The following CALD1 variants were observed in gnomAD, a reference collection of about 807,000 sequenced individuals.
The protein encoded by CALD1 is caldesmon.
In CALD1, 33 loss-of-function variants were observed where a neutral mutation model predicts 99.9. The observed-to-expected ratio is 0.33, with a 90% CI of 0.25 to 0.44. The LOEUF is 0.44. Among genes scored for constraint, CALD1 ranks in the 20% least tolerant of loss-of-function variants. The pLI is 1.00. For missense variants in CALD1, 861 were observed against 962.1 expected, an observed-to-expected ratio of 0.89 and a Z score of 1.39; for synonymous variants, 310 against 325.0, an observed-to-expected ratio of 0.95 and a Z score of 0.50.
chr7:134,718,482 A>G, the CALD1 span, among the ~76,000 whole-genome samples: 1 of 152,170 alleles, frequency 6.6e-6, no homozygotes, highest in South Asian at 2.1e-4. Flanking sequence ...ACTAAACTCA[A>G]CTGCTATAAA....
chr7:134,791,683 A>C (rs980714343), intron 1 of CALD1, among the ~76,000 whole-genome samples: 4 of 152,238 alleles, frequency 2.6e-5, no homozygotes, highest in Non-Finnish European at 5.9e-5. Flanking sequence ...ACAAAAAACA[A>C]AAAAACCTGT....
intron 13 of CALD1, 28 bp from the exon 14 acceptor site, chr7:134,965,276 ATC>A: frequency 9.4e-7 from 1 of 1,069,374 alleles, no homozygotes; most frequent in Non-Finnish European, 1.5e-6. Flanking sequence ...ATGGCCACCT[ATC>A]GATGTTTTTC....
At chr7:134,815,752 T>C (rs1002508973) in intron 1 of CALD1, among the ~76,000 whole-genome samples, 1 of 152,178 alleles carries the variant, frequency 6.6e-6, no homozygotes, top group South Asian at 2.1e-4. Flanking sequence ...AGAAATTTGG[T>C]GTTTAGAGAA....
intron 1 of CALD1, among the ~76,000 whole-genome samples, chr7:134,832,744 T>G (rs1799281123): frequency 6.6e-6 from 1 of 152,222 alleles, no homozygotes; most frequent in African/African-American, 2.4e-5. Context: ...AGCCTCAATA[T>G]CATTTAAATT....
At chr7:134,911,135 G>A (rs766735541) in intron 3 of CALD1, among the ~76,000 whole-genome samples, 16 of 151,796 alleles carry the variant, frequency 1.1e-4, no homozygotes, top group South Asian at 2.1e-4. Flanking sequence ...GCCACTCCTC[G>A]GTTGGTTTAA....
rs761582914 is a variant in CALD1 at position 134,783,103 on chromosome 7, G to C, written c.-130+3354G>C. ...TTCTCTGCCTCCAGCCAAAAGCATG[G>C]AATGAACCCCGGAACGTCATGCCTG... is the stretch of plus-strand genomic sequence containing the variant. On this transcript the variant is annotated intron_variant, in intron 1 of 14. Transcript: ENST00000361675. This position sits in a 1 kb window ranked among gnomAD's most constrained non-coding sequence, Gnocchi z 4.3. Among the ~76,000 whole-genome samples, 3 of 152,192 alleles carry C rather than the reference G, an allele frequency of 2.0e-5. No individual in the cohort carries two copies. The highest frequency in any genetic ancestry group is 2.9e-5 in the Non-Finnish European group (2 of 68,020).
At chr7:134,962,922 G>A (rs757272728) in intron 13 of CALD1, 2 of 456,580 alleles carry the variant, frequency 4.4e-6, no homozygotes, top group South Asian at 3.1e-5. Context: ...TCTCTAAAAT[G>A]TAGTCTGGTC....
the CALD1 span, among the ~76,000 whole-genome samples, chr7:134,715,043 T>A: frequency 2.6e-5 from 4 of 152,344 alleles, no homozygotes; most frequent in Admixed American, 1.3e-4. Flanking sequence ...GCTTCTTTCC[T>A]TCAATGAGTT....
chr7:134,882,908 TA>T (rs1801672418), intron 3 of CALD1, among the ~76,000 whole-genome samples: 1 of 152,214 alleles, frequency 6.6e-6, no homozygotes, highest in Admixed American at 6.5e-5. Flanking sequence ...TATGAGGACT[TA>T]ATTATTTTTT....
intron 2 of CALD1, among the ~76,000 whole-genome samples, chr7:134,845,264 CA>C (rs1799805279): frequency 6.6e-6 from 1 of 152,032 alleles, no homozygotes; most frequent in African/African-American, 2.4e-5. Context: ...ATACAGTAGA[CA>C]TTTTGTAATA....
At chr7:134,812,633 T>A (rs1798397385) in intron 1 of CALD1, among the ~76,000 whole-genome samples, 1 of 150,908 alleles carries the variant, frequency 6.6e-6, no homozygotes, top group African/African-American at 2.4e-5. Context: ...AAGACTGGAA[T>A]AATGGTGTTT....
intron 2 of CALD1, among the ~76,000 whole-genome samples, chr7:134,848,366 G>A (rs866645292): frequency 2.0e-5 from 3 of 152,074 alleles, no homozygotes; most frequent in Non-Finnish European, 2.9e-5. Context: ...GAATATTCAC[G>A]CCAATGTGGT....
intron 3 of CALD1, among the ~76,000 whole-genome samples, chr7:134,911,512 A>G (rs922685667): frequency 6.6e-6 from 1 of 151,572 alleles, no homozygotes; most frequent in African/African-American, 2.4e-5. Context: ...TAAGCCTAGC[A>G]TAGAATTGTC....
At chr7:134,740,093 A>G (rs940560026), upstream of CALD1, among the ~76,000 whole-genome samples, 3 of 152,092 alleles carry the variant, frequency 2.0e-5, no homozygotes, top group African/African-American at 7.2e-5. Flanking sequence ...ATGATGAAAT[A>G]GGGATACCTC....
intron 1 of CALD1, among the ~76,000 whole-genome samples, chr7:134,752,621 T>C (rs1796694376): frequency 6.6e-6 from 1 of 152,172 alleles, no homozygotes; most frequent in African/African-American, 2.4e-5. Flanking sequence ...CGAGTAATTA[T>C]GCAACTTCTA....
chr7:134,815,932 A>T (rs545553694), intron 1 of CALD1, among the ~76,000 whole-genome samples: 29 of 152,196 alleles, frequency 1.9e-4, no homozygotes, highest in Non-Finnish European at 4.3e-4. Flanking sequence ...TAAAATATCA[A>T]TTCCTTAAGA....
intron 14 of CALD1, among the ~76,000 whole-genome samples, chr7:134,966,783 G>T (rs995190341): frequency 2.6e-5 from 4 of 151,866 alleles, no homozygotes; most frequent in African/African-American, 9.7e-5. Context: ...AACTTTCTTT[G>T]TTATTTTTTA....
intron 1 of CALD1, among the ~76,000 whole-genome samples, chr7:134,803,554 TG>T (rs1176494794): frequency 6.6e-6 from 1 of 152,192 alleles, no homozygotes; most frequent in Admixed American, 6.5e-5. Flanking sequence ...TATTTGTGTA[TG>T]GTGTCAGATA....
chr7:134,851,578 G>A (rs978896208), intron 2 of CALD1, among the ~76,000 whole-genome samples: 2 of 152,144 alleles, frequency 1.3e-5, no homozygotes, highest in African/African-American at 2.4e-5. Context: ...TCTCAGCAAC[G>A]TCAAAATGAA....
Sources: allele counts gnomAD v4.1 joint callset (sites outside exome capture counted in the v4.1 genomes callset), GRCh38; gene constraint gnomAD v4.1.1; non-coding constraint Gnocchi (gnomAD v3.1); transcripts MANE v1.5; gene names NCBI Gene and HGNC (gene_info 2026-07-23, HGNC 2026-07-21).